Variants in SUMF1 observed in about 807,000 individuals in gnomAD.
The protein encoded by SUMF1 is formylglycine-generating enzyme.
A neutral mutation model predicts 47.6 loss-of-function variants in SUMF1; 48 were observed. That is an observed-to-expected ratio of 1.01 (90% CI 0.80 to 1.28). SUMF1 has a LOEUF of 1.28. SUMF1 is among the 50% of genes most tolerant of loss of function. The probability of loss-of-function intolerance (pLI) is 0.00; values close to 1 mark genes in which losing one functional copy is unlikely to be tolerated. For missense variants in SUMF1, 571 were observed against 485.4 expected, an observed-to-expected ratio of 1.18 and a Z score of -1.66; for synonymous variants, 230 against 192.1, an observed-to-expected ratio of 1.20 and a Z score of -1.63.
Position 4,288,516 on chromosome 3 carries a change from C to T in SUMF1, c.1014+87814G>A, listed in dbSNP as rs148800308. Among the ~76,000 whole-genome samples, 383 of 152,208 alleles carry T rather than the reference C, an allele frequency of 2.5e-3. 3 individuals carry two copies. Among genetic ancestry groups the T allele is most frequent in the African/African-American group, 9.0e-3 (373 of 41,540 alleles). On this transcript the variant is annotated intron_variant and NMD_transcript_variant, in intron 8 of 12. Coordinates refer to the SUMF1 transcript ENST00000448413. ...GTATGAAAAATTGAATACCCGCTAA[C>T]CTAGCTTAGTATTGCCATACAATCA...
At chr3:4,219,511 C>T (rs1696015139) in intron 8 of SUMF1, among the ~76,000 whole-genome samples, 1 of 152,160 alleles carries the variant, frequency 6.6e-6, no homozygotes, top group African/African-American at 2.4e-5. Context: ...TCCCTTATAT[C>T]TACCTGTAAG....
chr3:4,441,459 C>G (rs372536313), intron 3 of SUMF1, among the ~76,000 whole-genome samples: 38 of 152,158 alleles, frequency 2.5e-4, no homozygotes, highest in African/African-American at 8.7e-4. Context: ...TCAAACATCC[C>G]AAAACCATCC....
intron 8 of SUMF1, among the ~76,000 whole-genome samples, chr3:4,171,695 GA>G (rs1217667442): frequency 3.3e-5 from 5 of 152,090 alleles, no homozygotes; most frequent in African/African-American, 1.2e-4. Flanking sequence ...AAGTTTTAAA[GA>G]ATGACTGATG....
chr3:4,420,967 G>T (rs1479489306), intron 3 of SUMF1, among the ~76,000 whole-genome samples: 1 of 152,160 alleles, frequency 6.6e-6, no homozygotes, highest in East Asian at 1.9e-4. Context: ...GACCCTCCTA[G>T]TCCTTGTCTG....
chr3:4,298,370 T>C (rs1349395109), intron 8 of SUMF1, among the ~76,000 whole-genome samples: 1 of 152,224 alleles, frequency 6.6e-6, no homozygotes, highest in Non-Finnish European at 1.5e-5. Context: ...TCTCATTATT[T>C]TAATCTCATA....
chr3:4,202,355 G>A (rs1240695614), intron 8 of SUMF1, among the ~76,000 whole-genome samples: 4 of 151,872 alleles, frequency 2.6e-5, no homozygotes, highest in Non-Finnish European at 5.9e-5. Context: ...ATTTATTGAA[G>A]AGACTGTCCT....
intron 8 of SUMF1, among the ~76,000 whole-genome samples, chr3:4,149,026 T>G (rs952653710): frequency 6.6e-6 from 1 of 152,044 alleles, no homozygotes; most frequent in Non-Finnish European, 1.5e-5. Flanking sequence ...AGACCTGAAG[T>G]TAGAGGAGTG....
At chr3:4,356,890 G>A (rs574188516), downstream of SUMF1, among the ~76,000 whole-genome samples, 5 of 152,298 alleles carry the variant, frequency 3.3e-5, no homozygotes, top group African/African-American at 1.2e-4. Flanking sequence ...TGCCCAGCCT[G>A]CTTCACCTGT....
At chr3:4,145,096 G>A (rs1224553623) in intron 8 of SUMF1, among the ~76,000 whole-genome samples, 1 of 151,602 alleles carries the variant, frequency 6.6e-6, no homozygotes, top group Non-Finnish European at 1.5e-5. Flanking sequence ...CTACTCAGGA[G>A]GCTGAGGCAG....
At chr3:4,186,395 AGAG>A (rs1432761616) in intron 8 of SUMF1, among the ~76,000 whole-genome samples, 1 of 152,188 alleles carries the variant, frequency 6.6e-6, no homozygotes, top group Non-Finnish European at 1.5e-5. Flanking sequence ...AATTATATAC[AGAG>A]GAGTAGAGAC....
rs1051334900 is a variant in SUMF1 at position 4,418,018 on chromosome 3, C to T, written c.717G>A (p.Leu239=). 1.9e-6 allele frequency: 3 copies of T among 1,613,940 alleles called. No individual in the cohort carries two copies. Among genetic ancestry groups the T allele is most frequent in the Non-Finnish European group, 2.5e-6 (3 of 1,180,020 alleles). The part of the protein sequence containing the change: ...AEWEYSCRGG[L]HNRLFPWGNK... ...TGAGATCCTCTAAATACCTATTATGCAGGCCTCCTCGACAGCTGTATTCCC... is the reference window on the plus strand; with the variant it reads ...TGAGATCCTCTAAATACCTATTATGTAGGCCTCCTCGACAGCTGTATTCCC... Residue 239 remains leucine (L), a synonymous_variant, in exon 5 of 9, where the codon CTG becomes CTA. Coordinates refer to ENST00000272902, the MANE Select transcript of SUMF1 (RefSeq NM_182760.4).
rs1223726526 is a variant in SUMF1 at position 4,190,118 on chromosome 3, T to TA, written c.1015-121374dup. 4.6e-5 allele frequency among the ~76,000 whole-genome samples: 7 copies of TA among 151,748 alleles called. No individual in the cohort carries two copies. The East Asian group carries it at 7.7e-4, about 17-fold the overall frequency. ...TCCCTGAGCTGAATGATTACTTTTTTAAAAAAATTAAGAAACAGTATTCTC... is the reference window on the plus strand; with the variant it reads ...TCCCTGAGCTGAATGATTACTTTTTTAAAAAAAATTAAGAAACAGTATTCTC... On this transcript the variant is annotated intron_variant and NMD_transcript_variant, in intron 8 of 12. Transcript: ENST00000448413.
intron 8 of SUMF1, among the ~76,000 whole-genome samples, chr3:4,109,491 G>A (rs984433947): frequency 7.9e-5 from 12 of 152,106 alleles, no homozygotes; most frequent in African/African-American, 2.9e-4. Flanking sequence ...GATTGGGGAA[G>A]TTCTCCTGGA....
intron 8 of SUMF1, among the ~76,000 whole-genome samples, chr3:4,128,147 G>T (rs1693698996): frequency 6.6e-6 from 1 of 152,098 alleles, no homozygotes; most frequent in Non-Finnish European, 1.5e-5. Flanking sequence ...TGCTAAGATT[G>T]CCCTGAGTAA....
At chr3:4,267,929 A>G (rs1287074257) in intron 8 of SUMF1, among the ~76,000 whole-genome samples, 1 of 151,178 alleles carries the variant, frequency 6.6e-6, no homozygotes, top group Non-Finnish European at 1.5e-5. Flanking sequence ...ATAAAGACAC[A>G]TGCACACGTA....
rs181220055 is a variant in SUMF1 at position 4,113,953 on chromosome 3, G to A, written c.1015-45208C>T. On this transcript the variant is annotated intron_variant and NMD_transcript_variant, in intron 8 of 12. Transcript: ENST00000448413. ...GAACATTAACAACATATCCTATATAGAAGAGAGCAAACAGAAAGGTCATCA... is the reference window on the plus strand; with the variant it reads ...GAACATTAACAACATATCCTATATAAAAGAGAGCAAACAGAAAGGTCATCA... Among the ~76,000 whole-genome samples, 3 of 152,112 alleles carry A rather than the reference G, an allele frequency of 2.0e-5. No homozygotes were observed. In the East Asian group the frequency reaches 5.8e-4, roughly 29 times the overall value.
At chr3:4,128,700 T>C (rs1574908101) in intron 8 of SUMF1, among the ~76,000 whole-genome samples, 2 of 152,192 alleles carry the variant, frequency 1.3e-5, no homozygotes, top group South Asian at 4.1e-4. Flanking sequence ...TTATATAAAT[T>C]AGAGTTTATA....
intron 8 of SUMF1, among the ~76,000 whole-genome samples, chr3:4,228,488 C>T (rs966967161): frequency 3.9e-5 from 6 of 152,052 alleles, no homozygotes; most frequent in African/African-American, 1.2e-4. Context: ...AAGCAGCCCC[C>T]GTGGGGCCAA....
At chr3:4,110,121 G>A (rs563024933) in intron 8 of SUMF1, among the ~76,000 whole-genome samples, 1 of 152,256 alleles carries the variant, frequency 6.6e-6, no homozygotes, top group Non-Finnish European at 1.5e-5. Flanking sequence ...TGTCCTTTCT[G>A]TTTGTTAGTT....
Sources: allele counts gnomAD v4.1 joint callset (sites outside exome capture counted in the v4.1 genomes callset), GRCh38; gene constraint gnomAD v4.1.1; transcripts MANE v1.5; gene names NCBI Gene and HGNC (gene_info 2026-07-23, HGNC 2026-07-21).